The following POC5 variants were observed in gnomAD, a reference collection of about 807,000 sequenced individuals.
POC5 encodes centrosomal protein POC5.
POC5 carries 48 observed loss-of-function variants against 62.9 expected under a neutral mutation model. That is an observed-to-expected ratio of 0.76 (90% CI 0.61 to 0.97). POC5 has a LOEUF of 0.97. Ranked by LOEUF, POC5 falls within the 50% of genes least tolerant of loss-of-function variation. POC5 has a pLI of 0.00. For missense variants in POC5, 696 were observed against 679.5 expected, an observed-to-expected ratio of 1.02 and a Z score of -0.27; for synonymous variants, 236 against 228.2, an observed-to-expected ratio of 1.03 and a Z score of -0.31.
rs1182946302 is a variant in POC5, at chr5:75,717,346, C to G, written c.-55G>C. ...CCAAATCCCGACTCCTCGCTCTGCGCCTCTTAGCCGCGTCGCAGCTGCAGT... is the reference window on the plus strand; with the variant it reads ...CCAAATCCCGACTCCTCGCTCTGCGGCTCTTAGCCGCGTCGCAGCTGCAGT... On this transcript the variant is annotated 5_prime_UTR_variant, in exon 1 of 12. Transcript: ENST00000428202. The G allele has an allele frequency of 6.6e-6, 1 of 152,298 alleles. No homozygotes were observed. The highest frequency in any genetic ancestry group is 1.5e-5 in the Non-Finnish European group (1 of 68,074). 9.4% of individuals were successfully genotyped at this position (152,298 alleles called of 1,614,324 possible).
At chr5:75,710,566 C>T (rs1321722079) in intron 2 of POC5, among the ~76,000 whole-genome samples, 2 of 152,200 alleles carry the variant, frequency 1.3e-5, no homozygotes, top group Admixed American at 1.3e-4. Flanking sequence ...TGCAAAGATA[C>T]AGCAAGAAGG....
chr5:75,678,603 A>G (rs1162152686), intron 10 of POC5, among the ~76,000 whole-genome samples: 1 of 113,034 alleles, frequency 8.8e-6, no homozygotes, highest in African/African-American at 2.9e-5. Context: ...TCATTTTATT[A>G]ATATACTTTT....
intron 2 of POC5, among the ~76,000 whole-genome samples, chr5:75,709,333 A>T (rs1777249433): frequency 6.6e-6 from 1 of 152,218 alleles, no homozygotes; most frequent in Non-Finnish European, 1.5e-5. Context: ...ATGAGAATAA[A>T]CATCTGTCTG....
At chr5:75,682,951 G>A (rs563470176) in intron 10 of POC5, among the ~76,000 whole-genome samples, 9 of 152,132 alleles carry the variant, frequency 5.9e-5, no homozygotes, top group Non-Finnish European at 1.0e-4. Context: ...AGTAGCTCTC[G>A]AAAGGTAAAA....
chr5:75,710,489 G>C (rs1008987360), intron 2 of POC5, among the ~76,000 whole-genome samples: 5 of 152,106 alleles, frequency 3.3e-5, no homozygotes, highest in Non-Finnish European at 7.4e-5. Context: ...GTACTCATCA[G>C]AAGAGACACC....
chr5:75,705,226 AC>A (rs1777069447), intron 4 of POC5: 1 of 152,210 alleles, frequency 6.6e-6, no homozygotes, highest in South Asian at 2.1e-4. Context: ...AATACAAAAA[AC>A]AATCCCCCCA....
rs1180523448 is a variant in POC5 at position 75,707,876 on chromosome 5, C to T, written c.85-1G>A. ...AATGAAGCAGTTCTTCATATTCTTC[C>T]TAAGAGAGGCCAATAATCAATAATG... On this transcript the variant is annotated splice_acceptor_variant, in intron 2 of 11. Transcript: ENST00000428202. LOFTEE classifies it high-confidence loss of function. The T allele has an allele frequency of 6.3e-7, 1 of 1,575,096 alleles. No homozygotes were observed. Among genetic ancestry groups the T allele is most frequent in the Admixed American group, 1.8e-5 (1 of 56,480 alleles).
At chr5:75,699,803 G>A (rs527597957) in intron 5 of POC5, among the ~76,000 whole-genome samples, 258 of 138,748 alleles carry the variant, frequency 1.9e-3, no homozygotes, top group African/African-American at 6.4e-3. Context: ...CGACATGATT[G>A]TATATCTAGA....
Position 75,692,498 on chromosome 5 carries a change from C to A in POC5, c.693G>T (p.Val231=). The A allele has an allele frequency of 6.3e-7, 1 of 1,582,480 alleles. No homozygotes were observed. The highest frequency in any genetic ancestry group is 1.2e-5 in the South Asian group (1 of 86,430). The change falls in exon 7 of 12, where the codon GTG becomes GTT. Residue 231 remains valine, a splice_region_variant and synonymous_variant. Transcript: ENST00000428202. ...CTATGGCATGAGACAAGCTAGAAAT[C>A]ACCTGTAAACAGCAATTAACCCAAT... ...FEISIGRKDE[V]ISSLSHAIGK...
chr5:75,714,536 G>T (rs1777473944), intron 1 of POC5, among the ~76,000 whole-genome samples: 1 of 152,174 alleles, frequency 6.6e-6, no homozygotes, highest in Admixed American at 6.5e-5. Context: ...GTTGTGTTAT[G>T]GTGATGGAAA....
chr5:75,689,175 G>T lies in POC5; in HGVS notation c.976-10C>A. ...CCAAAGCTCCAGATAACTAAAATAA[G>T]AATGTTTAAAAAGCAAAACAATTTG... is the stretch of plus-strand genomic sequence containing the variant. On this transcript the variant is annotated splice_polypyrimidine_tract_variant and intron_variant, in intron 8 of 11. Coordinates refer to ENST00000428202, the MANE Select transcript of POC5 (RefSeq NM_001099271.2). 5.3e-6 allele frequency: 8 copies of T among 1,515,870 alleles called. No individual in the cohort carries two copies. The highest frequency in any genetic ancestry group is 7.1e-6 in the Non-Finnish European group (8 of 1,130,308). 93.9% of individuals were successfully genotyped at this position (1,515,870 alleles called of 1,614,324 possible).
At chr5:75,705,640 GATA>G (rs1777084279) in intron 4 of POC5, 61 bp downstream of exon 4, 1 of 971,592 alleles carries the variant, frequency 1.0e-6, no homozygotes, top group Non-Finnish European at 1.5e-6. Context: ...TTACTACATA[GATA>G]ATATTCATCA....
intron 5 of POC5, among the ~76,000 whole-genome samples, chr5:75,697,107 T>G (rs1776637479): frequency 6.6e-6 from 1 of 152,026 alleles, no homozygotes; most frequent in Non-Finnish European, 1.5e-5. Context: ...ATGGGGAGAA[T>G]GGAACCAAGT....
chr5:75,706,999 C>A (rs992491225), intron 3 of POC5, among the ~76,000 whole-genome samples: 2 of 152,170 alleles, frequency 1.3e-5, no homozygotes, highest in South Asian at 4.1e-4. Context: ...AGCCTTTGGC[C>A]TCTGAGTAGG....
intron 1 of POC5, among the ~76,000 whole-genome samples, chr5:75,713,551 AAGG>A (rs1777434687): frequency 6.6e-6 from 1 of 152,222 alleles, no homozygotes; most frequent in Non-Finnish European, 1.5e-5. Context: ...CCTCATTCTT[AAGG>A]AGTTTACAAT....
Position 75,712,886 on chromosome 5 carries a change from T to C in POC5, c.52A>G (p.Ser18Gly), listed in dbSNP as rs1451069246. Residue 18 changes from serine (S) to glycine (G), a missense_variant, in exon 2 of 12, where the codon AGT (serine) becomes GGT (glycine). Coordinates refer to ENST00000428202, the MANE Select transcript of POC5 (RefSeq NM_001099271.2). ...YSLPVVQNDSSRGSSVSSNLQ... is the reference protein window; with the variant it reads ...YSLPVVQNDSGRGSSVSSNLQ... ...TTCGAAGAGACAGAACTGCCTCGAC[T>C]GGAGTCATTTTGCACAACTGGAAGT... The C allele has an allele frequency of 6.2e-7, 1 of 1,612,516 alleles. No individual in the cohort carries two copies. The highest frequency in any genetic ancestry group is 8.5e-7 in the Non-Finnish European group (1 of 1,179,272).
At chr5:75,712,646 G>A in intron 2 of POC5, 1 of 712,796 alleles carries the variant, frequency 1.4e-6, no homozygotes, top group Non-Finnish European at 2.4e-6. Context: ...CAGAGTGTAT[G>A]AAGAGTTCAT....
rs1776050943 is a variant in POC5, at chr5:75,685,231, T to C, written c.1383A>G (p.Ala461=). The C allele has an allele frequency of 2.5e-6, 4 of 1,613,570 alleles. No homozygotes were observed. Among genetic ancestry groups the C allele is most frequent in the South Asian group, 1.1e-5 (1 of 91,044 alleles). Residue 461 remains alanine (A), a synonymous_variant, in exon 10 of 12, where the codon GCA becomes GCG. Transcript: ENST00000428202. ...VPVSALGAGS[A]ATAASEEMYV... Reference sequence around the variant, plus strand: ...CCATTTCTTCTGATGCAGCAGTAGCTGCAGATCCTGCACCAAGAGCAGAAA... The same window carrying C: ...CCATTTCTTCTGATGCAGCAGTAGCCGCAGATCCTGCACCAAGAGCAGAAA...
At chr5:75,678,012 T>C in intron 10 of POC5, 62 bp from the exon 11 acceptor site, 1 of 1,312,570 alleles carries the variant, frequency 7.6e-7, no homozygotes. Context: ...CAAAATCTAT[T>C]GATTCCATAA....
Sources: allele counts gnomAD v4.1 joint callset (sites outside exome capture counted in the v4.1 genomes callset), GRCh38; gene constraint gnomAD v4.1.1; transcripts MANE v1.5; gene names NCBI Gene and HGNC (gene_info 2026-07-23, HGNC 2026-07-21).